The following UGT1A7 variants were observed in gnomAD, a reference collection of about 807,000 sequenced individuals.
The protein encoded by UGT1A7 is UDP-glucuronosyltransferase 1A7.
In UGT1A7, 33 loss-of-function variants were observed where a neutral mutation model predicts 45.6. That is an observed-to-expected ratio of 0.72 (90% CI 0.55 to 0.97). The LOEUF is 0.97. Ranked by LOEUF, UGT1A7 falls within the 50% of genes least tolerant of loss-of-function variation. The pLI, the probability that UGT1A7 is intolerant of heterozygous loss-of-function variation, is 0.00. For synonymous variants in UGT1A7, 274 were observed against 250.6 expected, an observed-to-expected ratio of 1.09 and a Z score of -0.88; for missense variants, 684 against 666.2, an observed-to-expected ratio of 1.03 and a Z score of -0.29.
At chr2:233,743,600 C>T in intron 1 of UGT1A7, 3 of 1,367,332 alleles carry the variant, frequency 2.2e-6, no homozygotes, top group Non-Finnish European at 2.9e-6. Flanking sequence ...TGGGTCCTGG[C>T]CGCCGAAGAA....
chr2:233,724,363 C>G (rs1212893783), intron 1 of UGT1A7, among the ~76,000 whole-genome samples: 1 of 136,850 alleles, frequency 7.3e-6, no homozygotes. Context: ...CCCTCCCGGA[C>G]GGGGTGGCTG....
chr2:233,705,342 G>A (rs2075842157), intron 1 of UGT1A7, among the ~76,000 whole-genome samples: 1 of 152,060 alleles, frequency 6.6e-6, no homozygotes, highest in Non-Finnish European at 1.5e-5. Flanking sequence ...CTCAATTTTT[G>A]TCTTATTACA....
At position 233,772,309 on chromosome 2, in the gene UGT1A7, CGGTG is replaced by C. The variant is rs768601491; in HGVS notation, c.1345_1348del (p.Val449SerfsTer13). On this transcript the variant is annotated frameshift_variant, in exon 5 of 5. Transcript: ENST00000373426. LOFTEE classifies it high-confidence loss of function. ...CTCTCCAGCCTTCACAAGGACCGCCCGGTGGAGCCGCTGGACCTGGCCGTGTTCT... is the reference window on the plus strand; with the variant it reads ...CTCTCCAGCCTTCACAAGGACCGCCCGAGCCGCTGGACCTGGCCGTGTTCT... 1.9e-6 allele frequency: 3 copies of C among 1,614,206 alleles called. No individual in the cohort carries two copies. The highest frequency in any genetic ancestry group is 2.5e-6 in the Non-Finnish European group (3 of 1,180,052).
intron 1 of UGT1A7, chr2:233,713,901 C>T (rs1232618327): frequency 1.9e-6 from 3 of 1,612,940 alleles, no homozygotes; most frequent in East Asian, 2.2e-5. Flanking sequence ...CCAGGCAAAA[C>T]ACTTTTTAAA....
chr2:233,761,009 A>T, intron 1 of UGT1A7: 2 of 1,614,002 alleles, frequency 1.2e-6, no homozygotes, highest in Non-Finnish European at 1.7e-6. Flanking sequence ...CTTCAGAGAG[A>T]GGTGACTGTC....
At chr2:233,689,411 C>G (rs1415837333) in intron 1 of UGT1A7, among the ~76,000 whole-genome samples, 1 of 152,188 alleles carries the variant, frequency 6.6e-6, no homozygotes, top group Admixed American at 6.5e-5. Context: ...GACCCAATCT[C>G]TCTAATGGCT....
At chr2:233,747,276 T>C in intron 1 of UGT1A7, 1 of 1,598,748 alleles carries the variant, frequency 6.3e-7, no homozygotes, top group Non-Finnish European at 8.5e-7. Context: ...TCCTTCTCAG[T>C]GCCCAGCCCT....
At chr2:233,716,575 T>A (rs760406565) in intron 1 of UGT1A7, among the ~76,000 whole-genome samples, 1 of 152,244 alleles carries the variant, frequency 6.6e-6, no homozygotes, top group Non-Finnish European at 1.5e-5. Flanking sequence ...TTAAAAACAA[T>A]ACTTTCAAAG....
rs778641747 is a variant in UGT1A7 at position 233,768,443 on chromosome 2, A to G, written c.1295+4A>G. 8.1e-6 allele frequency: 13 copies of G among 1,613,284 alleles called. No homozygotes were observed. In the South Asian group the frequency reaches 1.4e-4, roughly 18 times the overall value. On this transcript the variant is annotated splice_donor_region_variant and intron_variant, in intron 4 of 4. Transcript: ENST00000373426. Reference sequence around the variant, plus strand: ...AAGCAGTCATCAATGACAAAAGGTAAGAAAGAAGATACAGAAGAATACTTT... The same window carrying G: ...AAGCAGTCATCAATGACAAAAGGTAGGAAAGAAGATACAGAAGAATACTTT...
chr2:233,749,872 A>G (rs1694289871), intron 1 of UGT1A7, among the ~76,000 whole-genome samples: 1 of 151,942 alleles, frequency 6.6e-6, no homozygotes, highest in South Asian at 2.1e-4. Context: ...TGCCAGGATT[A>G]TAAGTTTCCT....
chr2:233,692,942 G>C (rs867020660), intron 1 of UGT1A7: 1 of 1,596,314 alleles, frequency 6.3e-7, no homozygotes, highest in African/African-American at 1.3e-5. Flanking sequence ...AAAATACCTA[G>C]GAGCCCTGTG....
In UGT1A7 at chr2:233,725,264, G is replaced by GGCA. The variant is rs1216362118; in HGVS notation, c.856-41769_856-41768insCAG. Among the ~76,000 whole-genome samples the GGCA allele has an allele frequency of 1.9e-4, 11 of 58,536 alleles. 1 individual carries two copies. The highest frequency in any genetic ancestry group is 1.2e-3 in the African/African-American group (9 of 7,624). 38.4% of individuals were successfully genotyped at this position (58,536 alleles called of 152,430 possible). On this transcript the variant is annotated intron_variant, in intron 1 of 4. Transcript: ENST00000373426. ...CAGAGGCAGAGGAGGCAGAGGCAGA[G>GGCA]GAGGCAGAGGCAGAGGCAGAGGCAG...
chr2:233,761,198 T>G (rs1477470305), intron 1 of UGT1A7: 1 of 1,614,016 alleles, frequency 6.2e-7, no homozygotes, highest in African/African-American at 1.3e-5. Context: ...CTTTCAGATG[T>G]ATTACTTTGG....
chr2:233,722,838 A>C (rs192371212), intron 1 of UGT1A7, among the ~76,000 whole-genome samples: 12 of 132,374 alleles, frequency 9.1e-5, no homozygotes, highest in African/African-American at 2.9e-4. Flanking sequence ...TTATAATAAG[A>C]ATGTTTCTTT....
intron 1 of UGT1A7, chr2:233,741,833 G>A (rs1278091039): frequency 6.6e-6 from 1 of 151,848 alleles, no homozygotes; most frequent in Non-Finnish European, 1.5e-5. Flanking sequence ...ATCCAGTTCA[G>A]TTGCCTTTTG....
chr2:233,767,698 C>T (rs1699451194), intron 2 of UGT1A7, 151 bp from the exon 3 acceptor site: 8 of 1,500,274 alleles, frequency 5.3e-6, no homozygotes, highest in Non-Finnish European at 6.2e-6. Flanking sequence ...CGGAAGTTGC[C>T]AGTCCTCAGA....
At chr2:233,747,483 C>G (rs993277218) in intron 1 of UGT1A7, 3 of 1,608,496 alleles carry the variant, frequency 1.9e-6, no homozygotes, top group Non-Finnish European at 1.7e-6. Flanking sequence ...TGAATTTGAT[C>G]GCCTTGTGCT....
Position 233,682,165 on chromosome 2 carries a change from T to C in UGT1A7, c.228T>C (p.Thr76=), listed in dbSNP as rs1559339373. The C allele has an allele frequency of 1.2e-6, 2 of 1,614,208 alleles. No individual in the cohort carries two copies. The highest frequency in any genetic ancestry group is 8.5e-7 in the Non-Finnish European group (1 of 1,180,016). The stretch of plus-strand genomic sequence containing the variant: ...GATCACTGAATTGCACAGTGAAGAC[T>C]TACTCAACCTCATACACTCTGGAGG... The part of the protein sequence containing the change: ...LGRSLNCTVK[T]YSTSYTLEDQ... The change falls in exon 1 of 5, where the codon ACT becomes ACC. Residue 76 remains threonine, a synonymous_variant. Transcript: ENST00000373426.
At chr2:233,736,318 T>G (rs1275483454) in intron 1 of UGT1A7, among the ~76,000 whole-genome samples, 1 of 152,256 alleles carries the variant, frequency 6.6e-6, no homozygotes, top group Non-Finnish European at 1.5e-5. Flanking sequence ...TTGAATTTTG[T>G]GCATGTGTTA....
Sources: allele counts gnomAD v4.1 joint callset (sites outside exome capture counted in the v4.1 genomes callset), GRCh38; gene constraint gnomAD v4.1.1; transcripts MANE v1.5; gene names NCBI Gene and HGNC (gene_info 2026-07-23, HGNC 2026-07-21).